PGBD2: variants seen among roughly 807,000 people sequenced by gnomAD.
The protein encoded by PGBD2 is piggyBac transposable element-derived protein 2.
PGBD2 carries 6 observed loss-of-function variants against 8.1 expected under a neutral mutation model. That is an observed-to-expected ratio of 0.74 (90% CI 0.40 to 1.46). PGBD2 has a LOEUF of 1.46. PGBD2 is among the 40% of genes most tolerant of loss of function. The pLI is 0.02. For missense variants in PGBD2, 802 were observed against 739.0 expected, an observed-to-expected ratio of 1.09 and a Z score of -0.99; for synonymous variants, 318 against 272.2, an observed-to-expected ratio of 1.17 and a Z score of -1.66.
At chr1:248,874,265 G>A in the PGBD2 span, among the ~76,000 whole-genome samples, 15 of 152,238 alleles carry the variant, frequency 9.9e-5, no homozygotes, top group Admixed American at 5.2e-4. Context: ...TGGTCTAGTG[G>A]TTAGGATTCG....
rs527596197 is a variant in PGBD2 at position 248,917,481 on chromosome 1, G to A, written c.897G>A (p.Gly299=). Residue 299 remains glycine, a synonymous_variant, in exon 3 of 3, where the codon GGG becomes GGA. Coordinates refer to ENST00000329291, the MANE Select transcript of PGBD2 (RefSeq NM_170725.3). The part of the protein sequence containing the change: ...PVRLGYKIWC[G]TTSRGYLVWF... ...GACTTGGCTACAAGATTTGGTGTGG[G>A]ACAACCAGCAGAGGCTACTTGGTGT... The A allele has an allele frequency of 9.9e-5, 160 of 1,614,136 alleles. No individual in the cohort carries two copies. In the East Asian group the frequency reaches 3.6e-3, roughly 36 times the overall value.
At chr1:248,896,545 A>G in the PGBD2 span, among the ~76,000 whole-genome samples, 1 of 152,172 alleles carries the variant, frequency 6.6e-6, no homozygotes. Context: ...CCTGGGCTCA[A>G]GCAATCTTCC....
At chr1:248,893,585 T>C in the PGBD2 span, among the ~76,000 whole-genome samples, 1 of 152,242 alleles carries the variant, frequency 6.6e-6, no homozygotes, top group Admixed American at 6.5e-5. Flanking sequence ...AATATTCTGT[T>C]GTCTGTATGT....
chr1:248,874,312 T>G, the PGBD2 span, among the ~76,000 whole-genome samples: 1 of 152,178 alleles, frequency 6.6e-6, no homozygotes, highest in South Asian at 2.1e-4. Context: ...CGATTCCCGG[T>G]CAGGAAAGTA....
the PGBD2 span, among the ~76,000 whole-genome samples, chr1:248,895,155 TGA>T: frequency 6.6e-6 from 1 of 152,134 alleles, no homozygotes; most frequent in African/African-American, 2.4e-5. Flanking sequence ...TCATTGAACC[TGA>T]GAGTGGTCTT....
In PGBD2 at chr1:248,918,125, T is replaced by G. The variant is rs1187322267; in HGVS notation, c.1541T>G (p.Leu514Arg). ...ICCQDAQVDLLAFRRYIACVY... is the reference protein window; with the variant it reads ...ICCQDAQVDLRAFRRYIACVY... ...TGCCAAGATGCCCAGGTGGACCTCCTTGCCTTCCGGAGATACATTGCCTGT... is the reference window on the plus strand; with the variant it reads ...TGCCAAGATGCCCAGGTGGACCTCCGTGCCTTCCGGAGATACATTGCCTGT... The change falls in exon 3 of 3, where the codon CTT (leucine) becomes CGT (arginine). Residue 514 changes from leucine (L) to arginine (R), a missense_variant. Transcript: ENST00000329291. The G allele has an allele frequency of 1.2e-6, 2 of 1,614,084 alleles. No individual in the cohort carries two copies. Among genetic ancestry groups the G allele is most frequent in the Non-Finnish European group, 1.7e-6 (2 of 1,180,028 alleles).
chr1:248,927,108 G>A, the PGBD2 span, among the ~76,000 whole-genome samples: 1 of 152,188 alleles, frequency 6.6e-6, no homozygotes, highest in Admixed American at 6.5e-5. Flanking sequence ...GCTGGCTCTG[G>A]GAGATGCAGA....
chr1:248,890,768 G>A, the PGBD2 span, among the ~76,000 whole-genome samples: 3 of 145,420 alleles, frequency 2.1e-5, no homozygotes, highest in East Asian at 2.0e-4. Context: ...TACACACCCC[G>A]CACACCACAC....
At chr1:248,926,156 A>G in the PGBD2 span, among the ~76,000 whole-genome samples, 1 of 152,106 alleles carries the variant, frequency 6.6e-6, no homozygotes, top group African/African-American at 2.4e-5. Context: ...CCTGAAATTC[A>G]GCAAACTGCA....
chr1:248,925,682 T>C, the PGBD2 span, among the ~76,000 whole-genome samples: 1 of 151,690 alleles, frequency 6.6e-6, no homozygotes, highest in Admixed American at 6.6e-5. Flanking sequence ...TCCCCACATC[T>C]GAGACATCTG....
At chr1:248,873,303 A>T in the PGBD2 span, among the ~76,000 whole-genome samples, 1 of 152,204 alleles carries the variant, frequency 6.6e-6, no homozygotes, top group Admixed American at 6.5e-5. Context: ...GGCCCGCATC[A>T]GGCCCCTCTG....
At chr1:248,885,308 A>AT in the PGBD2 span, among the ~76,000 whole-genome samples, 14,157 of 142,636 alleles carry the variant, frequency 0.099, 1,759 homozygotes, top group African/African-American at 0.3. Context: ...CTACTTTTTA[A>AT]TTTTTTTTTT....
the PGBD2 span, among the ~76,000 whole-genome samples, chr1:248,876,355 T>A: frequency 1.9e-4 from 29 of 152,200 alleles, no homozygotes; most frequent in African/African-American, 6.8e-4. Context: ...AGGTGTTGAT[T>A]TGTAAACGAA....
intron 1 of PGBD2, among the ~76,000 whole-genome samples, chr1:248,911,564 A>G (rs1378265896): frequency 7.0e-6 from 1 of 143,214 alleles, no homozygotes; most frequent in Non-Finnish European, 1.5e-5. Flanking sequence ...TCTTTTCCCC[A>G]CCTTTCCCCC....
downstream of PGBD2, among the ~76,000 whole-genome samples, chr1:248,923,543 A>G (rs577748347): frequency 1.6e-4 from 25 of 152,278 alleles, no homozygotes; most frequent in Admixed American, 5.2e-4. Flanking sequence ...CATGCCTCTC[A>G]GTTCCCAGCG....
chr1:248,928,116 C>CT, the PGBD2 span, among the ~76,000 whole-genome samples: 7 of 152,086 alleles, frequency 4.6e-5, no homozygotes, highest in Non-Finnish European at 1.0e-4. Context: ...CCTTTCCCTG[C>CT]TTTTTTGTCC....
the PGBD2 span, among the ~76,000 whole-genome samples, chr1:248,896,133 T>C: frequency 1.3e-5 from 2 of 152,154 alleles, no homozygotes; most frequent in Non-Finnish European, 2.9e-5. Context: ...TTTCCATTCC[T>C]GAGTTACTTC....
chr1:248,872,973 T>C, the PGBD2 span, among the ~76,000 whole-genome samples: 215 of 152,176 alleles, frequency 1.4e-3, no homozygotes, highest in Middle Eastern at 3.4e-3. Context: ...AAATAGAACT[T>C]CTCCACCACT....
chr1:248,901,410 A>C (rs2103097023), upstream of PGBD2, among the ~76,000 whole-genome samples: 1 of 152,326 alleles, frequency 6.6e-6, no homozygotes. Flanking sequence ...TCAATGGAAC[A>C]GACTAGAGAA....
Sources: gnomAD v4.1 joint callset for allele counts (sites outside exome capture counted in the v4.1 genomes callset) on GRCh38, gnomAD v4.1.1 for gene constraint, MANE v1.5 for transcripts, NCBI Gene and HGNC (gene_info 2026-07-23, HGNC 2026-07-21) for gene names.